The following ATG7 variants were observed in gnomAD, a reference collection of about 807,000 sequenced individuals.
The protein encoded by ATG7 is autophagy related 7.
ATG7 carries 70 observed loss-of-function variants against 82.4 expected under a neutral mutation model. The ratio of observed to expected loss-of-function variants is 0.85; its 90% CI spans 0.70 to 1.04. ATG7 has a LOEUF of 1.04. Among genes scored for constraint, ATG7 ranks in the 50% least tolerant of loss-of-function variants. The pLI is 0.00. For synonymous variants in ATG7, 287 were observed against 313.0 expected (o/e 0.92, Z 0.88); for missense variants, 792 against 864.3 (o/e 0.92, Z 1.05).
At chr3:11,276,788 ACT>A (rs1396699664) in intron 1 of ATG7, among the ~76,000 whole-genome samples, 1 of 151,360 alleles carries the variant, frequency 6.6e-6, no homozygotes, top group Non-Finnish European at 1.5e-5. Context: ...TTTTGCCAAG[ACT>A]CTGCCCTCTA....
chr3:11,339,036 C>G (rs1016793395), intron 11 of ATG7, among the ~76,000 whole-genome samples: 2 of 152,132 alleles, frequency 1.3e-5, no homozygotes, highest in African/African-American at 4.8e-5. Flanking sequence ...GTAACTCATG[C>G]CTGTAATCCC....
chr3:11,476,205 TTTTC>T (rs755642182), intron 20 of ATG7, among the ~76,000 whole-genome samples: 3 of 152,226 alleles, frequency 2.0e-5, no homozygotes, highest in Non-Finnish European at 4.4e-5. Flanking sequence ...GGTTCTGGCT[TTTTC>T]TTTTCCTTCT....
rs1287923235 is a variant in ATG7, at chr3:11,426,795, G to A, written c.1957-9G>A. ...AGACTCCTTTTTAAAAAATGTAAAT[G>A]TTTTACAGGTTCTTGATCAATATGA... On this transcript the variant is annotated splice_polypyrimidine_tract_variant and intron_variant, in intron 19 of 20. Transcript: ENST00000693202. 6.4e-7 allele frequency: 1 copy of A among 1,564,308 alleles called. No individual in the cohort carries two copies. Among genetic ancestry groups the A allele is most frequent in the Non-Finnish European group, 8.6e-7 (1 of 1,159,654 alleles).
the ATG7 span, among the ~76,000 whole-genome samples, chr3:11,574,524 T>TA: frequency 6.6e-6 from 1 of 152,276 alleles, no homozygotes; most frequent in East Asian, 1.9e-4. Flanking sequence ...AGAGATTTGC[T>TA]AAAGGATACA....
chr3:11,426,523 T>TA (rs1248966937), intron 19 of ATG7, among the ~76,000 whole-genome samples: 2 of 152,200 alleles, frequency 1.3e-5, no homozygotes, highest in Non-Finnish European at 2.9e-5. Flanking sequence ...AGCCACTAAC[T>TA]ACTCCTAACT....
intron 20 of ATG7, among the ~76,000 whole-genome samples, chr3:11,475,773 A>G (rs1406824543): frequency 6.6e-6 from 1 of 152,030 alleles, no homozygotes; most frequent in Non-Finnish European, 1.5e-5. Flanking sequence ...ATGATCTTGC[A>G]AAACCTGTTG....
intron 20 of ATG7, among the ~76,000 whole-genome samples, chr3:11,448,115 C>G (rs997666334): frequency 6.6e-6 from 1 of 152,176 alleles, no homozygotes; most frequent in African/African-American, 2.4e-5. Context: ...GGATTTACCC[C>G]CATCTTCTCA....
At chr3:11,382,510 T>C (rs751532798) in intron 19 of ATG7, among the ~76,000 whole-genome samples, 7 of 151,926 alleles carry the variant, frequency 4.6e-5, no homozygotes, top group Admixed American at 1.3e-4. Context: ...TGGTGAGGAG[T>C]CACTTTCATT....
chr3:11,304,246 A>G (rs1280693312), intron 5 of ATG7, among the ~76,000 whole-genome samples: 1 of 152,182 alleles, frequency 6.6e-6, no homozygotes, highest in Non-Finnish European at 1.5e-5. Flanking sequence ...TGTCTTTCTT[A>G]TTCTCTGCTG....
At chr3:11,545,612 G>A (rs1185805735) in intron 20 of ATG7, among the ~76,000 whole-genome samples, 1 of 151,918 alleles carries the variant, frequency 6.6e-6, no homozygotes, top group East Asian at 1.9e-4. Context: ...GGCCTTGGCA[G>A]CCCCGCCAGC....
At chr3:11,430,442 C>T (rs191294126) in intron 20 of ATG7, among the ~76,000 whole-genome samples, 52 of 152,196 alleles carry the variant, frequency 3.4e-4, no homozygotes, top group African/African-American at 1.1e-3. Context: ...CTGCATTCTA[C>T]GTAGAAAGGT....
At chr3:11,302,202 G>C (rs192062007) in intron 5 of ATG7, among the ~76,000 whole-genome samples, 1 of 151,042 alleles carries the variant, frequency 6.6e-6, no homozygotes, top group Admixed American at 6.6e-5. Flanking sequence ...AATTAACTGT[G>C]CTACTTCAAT....
At chr3:11,406,000 G>T (rs372741203) in intron 19 of ATG7, among the ~76,000 whole-genome samples, 1 of 150,478 alleles carries the variant, frequency 6.6e-6, no homozygotes, top group African/African-American at 2.5e-5. Context: ...TTTTGTTTTT[G>T]TTTTTTGTAG....
intron 20 of ATG7, among the ~76,000 whole-genome samples, chr3:11,476,352 A>G (rs900183690): frequency 6.6e-6 from 1 of 152,092 alleles, no homozygotes; most frequent in South Asian, 2.1e-4. Context: ...TGTTAGCTCA[A>G]TGCCGTGGAT....
intron 20 of ATG7, among the ~76,000 whole-genome samples, chr3:11,461,381 A>G (rs1030401148): frequency 6.6e-6 from 1 of 152,202 alleles, no homozygotes; most frequent in Admixed American, 6.5e-5. Context: ...CTTTGTATTC[A>G]GAGAGCTTTG....
intron 20 of ATG7, among the ~76,000 whole-genome samples, chr3:11,548,528 C>T (rs1164045880): frequency 1.3e-5 from 2 of 152,236 alleles, no homozygotes; most frequent in African/African-American, 4.8e-5. Context: ...CACCTGCCCT[C>T]TATAGGGAGG....
chr3:11,314,917 T>TG (rs1276455948), intron 8 of ATG7, among the ~76,000 whole-genome samples: 5 of 152,192 alleles, frequency 3.3e-5, no homozygotes, highest in Admixed American at 2.6e-4. Context: ...AGCAAGACCC[T>TG]GTCTCAAAAA....
intron 20 of ATG7, among the ~76,000 whole-genome samples, chr3:11,501,225 C>T (rs2153062132): frequency 6.6e-6 from 1 of 152,292 alleles, no homozygotes; most frequent in East Asian, 1.9e-4. Context: ...CTGCACTCAG[C>T]CTGGGCAACA....
chr3:11,507,631 T>TTTTTTG (rs529666650), intron 20 of ATG7, among the ~76,000 whole-genome samples: 100 of 152,276 alleles, frequency 6.6e-4, no homozygotes, highest in Admixed American at 2.2e-3. Flanking sequence ...GTTATGGGTG[T>TTTTTTG]TTTTTGTTTT....
Sources: gnomAD v4.1 joint callset for allele counts (sites outside exome capture counted in the v4.1 genomes callset) on GRCh38, gnomAD v4.1.1 for gene constraint, MANE v1.5 for transcripts, NCBI Gene and HGNC (gene_info 2026-07-23, HGNC 2026-07-21) for gene names.